Variants in KL observed in about 807,000 individuals in gnomAD.
KL encodes the protein klotho.
A neutral mutation model predicts 84.2 loss-of-function variants in KL; 62 were observed. The observed-to-expected ratio is 0.74, with a 90% confidence interval of 0.60 to 0.91. The LOEUF is 0.91. Ranked by LOEUF, KL falls within the 40% of genes least tolerant of loss-of-function variation. KL has a pLI of 0.00. For synonymous variants in KL, 528 were observed against 528.0 expected, an observed-to-expected ratio of 1.00 and a Z score of 0.00; for missense variants, 1,261 against 1,305.7, an observed-to-expected ratio of 0.97 and a Z score of 0.53.
chr13:33,016,732 CT>C lies in KL; in HGVS notation c.293del (p.Leu98ArgfsTer27). 1 of 1,611,240 alleles carries C rather than the reference CT, an allele frequency of 6.2e-7. No homozygotes were observed. Among genetic ancestry groups the C allele is most frequent in the Non-Finnish European group, 8.5e-7 (1 of 1,179,082 alleles). ...SIWDTFTHHP[L>X]APPGDSRNAS... Reference sequence around the variant, plus strand: ...CTGGGATACGTTCACCCACCACCCCCTGGCACCCCCGGGAGACTCCCGGAAC... The same window carrying C: ...CTGGGATACGTTCACCCACCACCCCCGGCACCCCCGGGAGACTCCCGGAAC... On this transcript the variant is annotated frameshift_variant, in exon 1 of 5. Coordinates refer to ENST00000380099, the MANE Select transcript of KL (RefSeq NM_004795.4). LOFTEE classifies it high-confidence loss of function.
At chr13:33,063,473 G>A (rs1872286379) in intron 4 of KL, among the ~76,000 whole-genome samples, 1 of 152,092 alleles carries the variant, frequency 6.6e-6, no homozygotes, top group Non-Finnish European at 1.5e-5. Context: ...CTTCCCAGCA[G>A]GAAGGCTACG....
At chr13:33,049,552 T>C (rs927618095) in intron 1 of KL, among the ~76,000 whole-genome samples, 3 of 152,202 alleles carry the variant, frequency 2.0e-5, no homozygotes, top group African/African-American at 7.2e-5. Context: ...GGTGGCGACA[T>C]CTAAGCTGAG....
intron 3 of KL, among the ~76,000 whole-genome samples, chr13:33,058,577 G>A (rs930527779): frequency 6.6e-6 from 1 of 151,688 alleles, no homozygotes; most frequent in African/African-American, 2.4e-5. Context: ...CCTGACCTCG[G>A]GATCCACCCA....
chr13:33,049,864 T>C (rs914685089), intron 1 of KL, among the ~76,000 whole-genome samples: 3 of 152,058 alleles, frequency 2.0e-5, no homozygotes, highest in Non-Finnish European at 4.4e-5. Context: ...TGGTAGGAAA[T>C]GAAAAAAATA....
At chr13:33,057,872 A>G (rs1702803336) in intron 3 of KL, among the ~76,000 whole-genome samples, 1 of 152,224 alleles carries the variant, frequency 6.6e-6, no homozygotes, top group Admixed American at 6.5e-5. Context: ...AGTACTCTAC[A>G]GCTTTAAGAC....
chr13:33,064,628 T>C lies in KL; in HGVS notation c.*442T>C. 1 of 245,962 alleles carries C rather than the reference T, an allele frequency of 4.1e-6. No individual in the cohort carries two copies. Among genetic ancestry groups the C allele is most frequent in the East Asian group, 6.1e-5 (1 of 16,526 alleles). The allele number at this position is 245,962 out of a possible 1,614,324, so 15.2% of individuals were successfully genotyped here. On this transcript the variant is annotated 3_prime_UTR_variant, in exon 5 of 5. Coordinates refer to ENST00000380099, the MANE Select transcript of KL (RefSeq NM_004795.4). The stretch of plus-strand genomic sequence containing the variant: ...AACCATTTCTCAGCTGCCATAATAA[T>C]GCCTAGTGGCTTCCCCTCTGTCAAA...
chr13:33,017,324 G>A (rs1870405046), intron 1 of KL, 65 bp downstream of exon 1: 2 of 1,388,252 alleles, frequency 1.4e-6, no homozygotes, highest in African/African-American at 1.4e-5. Context: ...AGGGGCCAGG[G>A]GGAAGTGTGG....
Position 33,017,267 on chromosome 13 carries a change from C to T in KL, c.819+8C>T. On this transcript the variant is annotated splice_region_variant and intron_variant, in intron 1 of 4. Transcript: ENST00000380099. ...GCGCACAACCTCCTCCTGGTGAGTG[C>T]GAGGGGCCAGGCGGAGGGCCACGCA... 6.4e-7 allele frequency: 1 copy of T among 1,557,078 alleles called. No individual in the cohort carries two copies. The highest frequency in any genetic ancestry group is 8.6e-7 in the Non-Finnish European group (1 of 1,157,422).
At chr13:33,049,150 C>T (rs1179717591) in intron 1 of KL, among the ~76,000 whole-genome samples, 1 of 152,082 alleles carries the variant, frequency 6.6e-6, no homozygotes, top group East Asian at 1.9e-4. Flanking sequence ...ATATAAAATT[C>T]CTTCTAATTT....
At chr13:33,022,343 T>C (rs922896346) in intron 1 of KL, among the ~76,000 whole-genome samples, 4 of 152,240 alleles carry the variant, frequency 2.6e-5, no homozygotes, top group African/African-American at 9.6e-5. Context: ...AATTAATTTG[T>C]GCAAAAGTTG....
rs1870399745 is a variant in KL, at chr13:33,017,235, C to T, written c.795C>T (p.Tyr265=). 1 of 1,583,858 alleles carries T rather than the reference C, an allele frequency of 6.3e-7. No homozygotes were observed. Among genetic ancestry groups the T allele is most frequent in the African/African-American group, 1.3e-5 (1 of 74,826 alleles). The change falls in exon 1 of 5, where the codon TAC becomes TAT. Residue 265 remains tyrosine, a synonymous_variant. Coordinates refer to ENST00000380099, the MANE Select transcript of KL (RefSeq NM_004795.4). ...TCCGGGGCAGCCCGCGGCTCGGGTACCTGGTGGCGCACAACCTCCTCCTGG... is the reference window on the plus strand; with the variant it reads ...TCCGGGGCAGCCCGCGGCTCGGGTATCTGGTGGCGCACAACCTCCTCCTGG... ...PGIRGSPRLG[Y]LVAHNLLLAH...
In KL at chr13:33,064,352, C is replaced by T. The variant is rs1232401887; in HGVS notation, c.*166C>T. The T allele has an allele frequency of 1.2e-5, 7 of 586,626 alleles. No homozygotes were observed. The highest frequency in any genetic ancestry group is 6.4e-5 in the South Asian group (3 of 47,136). The allele number at this position is 586,626 out of a possible 1,614,324, so 36.3% of individuals were successfully genotyped here. On this transcript the variant is annotated 3_prime_UTR_variant, in exon 5 of 5. Transcript: ENST00000380099. ...AGGTTTTGAAATGGGCATAGGTGAT[C>T]GTAAAATATTGAATAATGCGAATAG... is the stretch of plus-strand genomic sequence containing the variant.
Position 33,016,620 on chromosome 13 carries a change from CT to C in KL, c.182del (p.Phe61SerfsTer64). 1 of 1,544,098 alleles carries C rather than the reference CT, an allele frequency of 6.5e-7. No individual in the cohort carries two copies. The highest frequency in any genetic ancestry group is 8.7e-7 in the Non-Finnish European group (1 of 1,144,112). ...AGGCCGCGGGCCTCTTCCAGGGCACCTTCCCCGACGGCTTCCTCTGGGCCGT... is the reference window on the plus strand; with the variant it reads ...AGGCCGCGGGCCTCTTCCAGGGCACCTCCCCGACGGCTTCCTCTGGGCCGT... ...PEAAGLFQGTFPDGFLWAVGS... is the reference protein window; with the variant it reads ...PEAAGLFQGTXPDGFLWAVGS... On this transcript the variant is annotated frameshift_variant, in exon 1 of 5. Coordinates refer to ENST00000380099, the MANE Select transcript of KL (RefSeq NM_004795.4). LOFTEE classifies it high-confidence loss of function.
At chr13:33,055,849 T>G (rs1456308713) in intron 3 of KL, among the ~76,000 whole-genome samples, 1 of 152,252 alleles carries the variant, frequency 6.6e-6, no homozygotes, top group Non-Finnish European at 1.5e-5. Flanking sequence ...GATACGAAAT[T>G]TCTTCAGAAT....
At position 33,017,026 on chromosome 13, in the gene KL, C is replaced by T; in HGVS notation, c.586C>T (p.Leu196=). ...CGTGGTCACCCTGTACCACTGGGAC[C>T]TGCCCCAGCGCCTGCAGGACGCCTA... ...QPVVTLYHWD[L]PQRLQDAYGG... The change falls in exon 1 of 5, where the codon CTG becomes TTG. Residue 196 remains leucine, a synonymous_variant. Transcript: ENST00000380099. 6.3e-7 allele frequency: 1 copy of T among 1,598,044 alleles called. No homozygotes were observed. The highest frequency in any genetic ancestry group is 8.5e-7 in the Non-Finnish European group (1 of 1,176,100).
intron 1 of KL, among the ~76,000 whole-genome samples, chr13:33,050,713 A>G (rs1001536810): frequency 6.6e-6 from 1 of 152,214 alleles, no homozygotes; most frequent in African/African-American, 2.4e-5. Context: ...GTAAAGAGTA[A>G]TCAAATAAGT....
intron 1 of KL, among the ~76,000 whole-genome samples, chr13:33,023,954 G>A (rs1259750778): frequency 2.0e-5 from 3 of 152,192 alleles, no homozygotes; most frequent in African/African-American, 7.2e-5. Context: ...GGGTCAGCTA[G>A]CTTTTGCTTG....
At chr13:33,054,358 T>G (rs1871874616) in intron 2 of KL, 81 bp downstream of exon 2, 1 of 1,389,772 alleles carries the variant, frequency 7.2e-7, no homozygotes, top group Non-Finnish European at 1.0e-6. Flanking sequence ...ATAAATGATG[T>G]GAATTTATAT....
Position 33,061,363 on chromosome 13 carries a change from G to A in KL, c.2284G>A (p.Glu762Lys). The A allele has an allele frequency of 1.9e-6, 3 of 1,614,186 alleles. No individual in the cohort carries two copies. Among genetic ancestry groups the A allele is most frequent in the Non-Finnish European group, 1.7e-6 (2 of 1,180,022 alleles). Reference sequence around the variant, plus strand: ...GGAATTTGACATTGGCTGGCTGGCTGAGCCCATTTTCGGCTCTGGAGATTA... The same window carrying A: ...GGAATTTGACATTGGCTGGCTGGCTAAGCCCATTTTCGGCTCTGGAGATTA... ...VLEFDIGWLA[E>K]PIFGSGDYPW... The change falls in exon 4 of 5, where the codon GAG (glutamate) becomes AAG (lysine). Residue 762 changes from glutamate (E) to lysine (K), a missense_variant. Coordinates refer to ENST00000380099, the MANE Select transcript of KL (RefSeq NM_004795.4).
Sources: gnomAD v4.1 joint callset for allele counts (sites outside exome capture counted in the v4.1 genomes callset) on GRCh38, gnomAD v4.1.1 for gene constraint, MANE v1.5 for transcripts, NCBI Gene and HGNC (gene_info 2026-07-23, HGNC 2026-07-21) for gene names.